Variants in CNTNAP5 observed in about 807,000 individuals in gnomAD.
The protein encoded by CNTNAP5 is contactin associated protein family member 5, also known as contactin-associated protein-like 5.
In CNTNAP5, 72 loss-of-function variants were observed where a neutral mutation model predicts 150.2. That is an observed-to-expected ratio of 0.48 (90% CI 0.40 to 0.58). The LOEUF is 0.58. Ranked by LOEUF, CNTNAP5 falls within the 20% of genes least tolerant of loss-of-function variation. The pLI is 0.00. For synonymous variants in CNTNAP5, 672 were observed against 619.8 expected (o/e 1.08, Z -1.25); for missense variants, 1,636 against 1,626.2 (o/e 1.01, Z -0.10).
intron 5 of CNTNAP5, among the ~76,000 whole-genome samples, chr2:124,441,426 G>C (rs747725026): frequency 1.3e-5 from 2 of 151,658 alleles, no homozygotes; most frequent in African/African-American, 4.8e-5. Flanking sequence ...AGTTTTATCC[G>C]CACATAGTGC....
chr2:124,106,009 C>A (rs1683163715), intron 1 of CNTNAP5, among the ~76,000 whole-genome samples: 1 of 151,988 alleles, frequency 6.6e-6, no homozygotes, highest in African/African-American at 2.4e-5. Flanking sequence ...TTCATTTAAT[C>A]TTTCATGAAA....
chr2:124,434,347 A>G, intron 4 of CNTNAP5, 137 bp from the exon 5 acceptor site: 1 of 681,262 alleles, frequency 1.5e-6, no homozygotes, highest in Non-Finnish European at 2.6e-6. Flanking sequence ...TCTAGTCTAC[A>G]TGTTTCCTGT....
intron 1 of CNTNAP5, among the ~76,000 whole-genome samples, chr2:124,136,210 G>A (rs1044402109): frequency 6.6e-6 from 1 of 152,154 alleles, no homozygotes; most frequent in Non-Finnish European, 1.5e-5. Flanking sequence ...CCCCAGAGCT[G>A]TAAGTGAATC....
At chr2:124,518,264 A>C (rs1455080804) in intron 8 of CNTNAP5, among the ~76,000 whole-genome samples, 2 of 152,202 alleles carry the variant, frequency 1.3e-5, no homozygotes, top group Non-Finnish European at 2.9e-5. Context: ...TTTAAAAGAC[A>C]TATTATATGC....
chr2:124,203,706 A>C (rs1251480917), intron 1 of CNTNAP5, among the ~76,000 whole-genome samples: 1 of 152,204 alleles, frequency 6.6e-6, no homozygotes, highest in Non-Finnish European at 1.5e-5. Flanking sequence ...GCACCCTCTG[A>C]AGCAACGATA....
At chr2:124,759,938 CTTTTTTT>C (rs571408475) in intron 14 of CNTNAP5, among the ~76,000 whole-genome samples, 2 of 83,646 alleles carry the variant, frequency 2.4e-5, no homozygotes. Flanking sequence ...ACTCCTCGGT[CTTTTTTT>C]TTTTTTTTTT....
At chr2:124,606,280 G>C (rs1697104930) in intron 11 of CNTNAP5, among the ~76,000 whole-genome samples, 2 of 152,012 alleles carry the variant, frequency 1.3e-5, no homozygotes, top group South Asian at 2.1e-4. Context: ...TGGGGGAATG[G>C]AAAGTTGTTT....
chr2:124,874,852 A>G (rs1017639376), intron 21 of CNTNAP5, among the ~76,000 whole-genome samples: 1 of 152,042 alleles, frequency 6.6e-6, no homozygotes, highest in African/African-American at 2.4e-5. Flanking sequence ...AACGTTTGTT[A>G]ATCTCCTACT....
At chr2:124,649,626 C>T (rs569384105) in intron 13 of CNTNAP5, among the ~76,000 whole-genome samples, 28 of 152,248 alleles carry the variant, frequency 1.8e-4, no homozygotes, top group South Asian at 1.0e-3. Context: ...TGGGAGGGCA[C>T]GGGTTTGGCA....
intron 13 of CNTNAP5, among the ~76,000 whole-genome samples, chr2:124,737,332 G>A (rs571785620): frequency 9.9e-5 from 15 of 151,998 alleles, no homozygotes; most frequent in African/African-American, 3.6e-4. Context: ...TGATGTTGGA[G>A]TGCTTTGGAT....
chr2:124,660,254 A>T (rs1192172676), intron 13 of CNTNAP5, among the ~76,000 whole-genome samples: 1 of 152,142 alleles, frequency 6.6e-6, no homozygotes, highest in Admixed American at 6.5e-5. Context: ...GAGCACAGAG[A>T]GAGGCTAGGT....
At chr2:124,879,025 C>A (rs1351227090) in intron 21 of CNTNAP5, among the ~76,000 whole-genome samples, 5 of 152,026 alleles carry the variant, frequency 3.3e-5, no homozygotes, top group African/African-American at 9.7e-5. Flanking sequence ...GTTAACTAGA[C>A]CAAAACCCAC....
At chr2:124,463,070 C>T (rs1213726949) in intron 6 of CNTNAP5, among the ~76,000 whole-genome samples, 1 of 152,184 alleles carries the variant, frequency 6.6e-6, no homozygotes, top group Non-Finnish European at 1.5e-5. Flanking sequence ...AGGCCCTGCC[C>T]TTGTGACACA....
In CNTNAP5 at chr2:124,735,818, G is replaced by A. The variant is rs145974162; in HGVS notation, c.2078-11411G>A. ...TAAGATGAGAATGAGTATCTTCACA[G>A]CTTTGTTGAGAGGGTTGAATGAGTT... On this transcript the variant is annotated intron_variant, in intron 13 of 23. Transcript: ENST00000682447. Among the ~76,000 whole-genome samples, 7 of 152,272 alleles carry A rather than the reference G, an allele frequency of 4.6e-5. No individual in the cohort carries two copies. In the East Asian group the frequency reaches 1.4e-3, roughly 29 times the overall value.
intron 19 of CNTNAP5, among the ~76,000 whole-genome samples, chr2:124,829,335 C>G (rs2104679106): frequency 6.6e-6 from 1 of 152,218 alleles, no homozygotes; most frequent in East Asian, 1.9e-4. Flanking sequence ...ATGGATTGTT[C>G]CACATAGCTA....
At chr2:124,218,484 AG>A (rs1361069088) in intron 1 of CNTNAP5, among the ~76,000 whole-genome samples, 4 of 152,152 alleles carry the variant, frequency 2.6e-5, no homozygotes, top group African/African-American at 9.7e-5. Context: ...GGAGATCAAA[AG>A]TTCAGATATG....
intron 1 of CNTNAP5, among the ~76,000 whole-genome samples, chr2:124,197,509 T>G (rs113695125): frequency 1.3e-5 from 2 of 152,214 alleles, no homozygotes; most frequent in Non-Finnish European, 2.9e-5. Flanking sequence ...CTTTCAGTTT[T>G]CTGCTCTAAC....
chr2:124,819,463 G>A (rs1682438902), intron 19 of CNTNAP5, among the ~76,000 whole-genome samples: 1 of 152,052 alleles, frequency 6.6e-6, no homozygotes, highest in Non-Finnish European at 1.5e-5. Flanking sequence ...TTAATCATCT[G>A]TCATCATAAT....
At chr2:124,445,598 C>T (rs941166132) in intron 5 of CNTNAP5, among the ~76,000 whole-genome samples, 2 of 152,052 alleles carry the variant, frequency 1.3e-5, no homozygotes, top group East Asian at 1.9e-4. Flanking sequence ...TATGAAGCAA[C>T]CAAGTTACTC....
Sources: gnomAD v4.1 joint callset for allele counts (sites outside exome capture counted in the v4.1 genomes callset) on GRCh38, gnomAD v4.1.1 for gene constraint, MANE v1.5 for transcripts, NCBI Gene and HGNC (gene_info 2026-07-23, HGNC 2026-07-21) for gene names.